The following GXYLT1 variants were observed in gnomAD, a reference collection of about 807,000 sequenced individuals.
The protein encoded by GXYLT1 is glucoside xylosyltransferase 1.
A neutral mutation model predicts 54.0 loss-of-function variants in GXYLT1; 29 were observed. The ratio of observed to expected loss-of-function variants is 0.54; its 90% CI spans 0.40 to 0.73. The LOEUF is 0.73. GXYLT1 is among the 30% of genes least tolerant of loss of function. The pLI is 0.00. For synonymous variants in GXYLT1, 176 were observed against 204.1 expected (o/e 0.86, Z 1.17); for missense variants, 490 against 553.4 (o/e 0.89, Z 1.15).
chr12:42,133,210 G>A (rs971629923), intron 1 of GXYLT1, among the ~76,000 whole-genome samples: 5 of 151,948 alleles, frequency 3.3e-5, no homozygotes, highest in Non-Finnish European at 4.4e-5. Flanking sequence ...CCCAGGAGGC[G>A]GAGGTTTCAG....
At chr12:42,124,853 CTG>C (rs2065551520) in intron 2 of GXYLT1, among the ~76,000 whole-genome samples, 1 of 152,084 alleles carries the variant, frequency 6.6e-6, no homozygotes, top group East Asian at 1.9e-4. Context: ...TAGAAAAAAA[CTG>C]AGATTGCTAA....
chr12:42,092,081 T>G (rs985278109), intron 7 of GXYLT1, among the ~76,000 whole-genome samples: 4 of 152,120 alleles, frequency 2.6e-5, no homozygotes, highest in Admixed American at 2.6e-4. Flanking sequence ...AAGGCAAAAC[T>G]GAGACACTCT....
At chr12:42,109,734 T>G in intron 3 of GXYLT1, 43 bp from the exon 4 acceptor site, 1 of 1,288,314 alleles carries the variant, frequency 7.8e-7, no homozygotes, top group Non-Finnish European at 1.1e-6. Context: ...CACTCTGAAT[T>G]TTCTCTGTAA....
intron 4 of GXYLT1, 39 bp downstream of exon 4, chr12:42,109,522 TTAAAA>T: frequency 2.3e-6 from 3 of 1,301,476 alleles, no homozygotes; most frequent in South Asian, 3.9e-5. Context: ...AGGTTCAAAT[TTAAAA>T]AAAAAAAAAA....
chr12:42,116,491 AG>A (rs1342889796), intron 3 of GXYLT1, among the ~76,000 whole-genome samples: 1 of 152,248 alleles, frequency 6.6e-6, no homozygotes, highest in Non-Finnish European at 1.5e-5. Context: ...ACTTCTCAAA[AG>A]AAGACATTTA....
chr12:42,115,608 C>T (rs1196747740), intron 3 of GXYLT1, among the ~76,000 whole-genome samples: 1 of 152,000 alleles, frequency 6.6e-6, no homozygotes, highest in African/African-American at 2.4e-5. Context: ...CAACTACAAA[C>T]CACTGCTCAA....
At chr12:42,109,540 A>G in intron 4 of GXYLT1, 26 bp downstream of exon 4, 1 of 1,444,516 alleles carries the variant, frequency 6.9e-7, no homozygotes, top group Non-Finnish European at 9.1e-7. Context: ...AAAAAAAAAA[A>G]AAAGACACTA....
At chr12:42,133,569 C>T (rs1182344895) in intron 1 of GXYLT1, among the ~76,000 whole-genome samples, 1 of 152,174 alleles carries the variant, frequency 6.6e-6, no homozygotes, top group African/African-American at 2.4e-5. Flanking sequence ...TGTAAAAGAG[C>T]CACAATGCCA....
chr12:42,124,335 A>G (rs2065548257), intron 2 of GXYLT1, among the ~76,000 whole-genome samples: 1 of 152,082 alleles, frequency 6.6e-6, no homozygotes, highest in Non-Finnish European at 1.5e-5. Flanking sequence ...AATATTTCTG[A>G]TATTTTGATA....
At chr12:42,134,566 T>C (rs1157614545) in intron 1 of GXYLT1, among the ~76,000 whole-genome samples, 1 of 152,164 alleles carries the variant, frequency 6.6e-6, no homozygotes, top group Non-Finnish European at 1.5e-5. Context: ...CACTCAGCCC[T>C]CCAATCACAT....
chr12:42,097,720 T>A, intron 6 of GXYLT1, 106 bp from the exon 7 acceptor site: 1 of 1,147,180 alleles, frequency 8.7e-7, no homozygotes. Context: ...AAGTAAGAAT[T>A]AATGAAAAAT....
Position 42,087,951 on chromosome 12 carries a change from G to A in GXYLT1, c.1162-4C>T, listed in dbSNP as rs1410137734. 7 of 1,464,616 alleles carry A rather than the reference G, an allele frequency of 4.8e-6. No individual in the cohort carries two copies. Among genetic ancestry groups the A allele is most frequent in the Non-Finnish European group, 6.4e-6 (7 of 1,088,790 alleles). The allele number at this position is 1,464,616 out of a possible 1,614,324, so 90.7% of individuals were successfully genotyped here. Reference sequence around the variant, plus strand: ...TGTTGTCATCTTCAAAAGAACACTAGAGAAAGAAAATTTTAAAAAATAAAA... The same window carrying A: ...TGTTGTCATCTTCAAAAGAACACTAAAGAAAGAAAATTTTAAAAAATAAAA... On this transcript the variant is annotated splice_polypyrimidine_tract_variant and splice_region_variant and intron_variant, in intron 7 of 7. Coordinates refer to ENST00000398675, the MANE Select transcript of GXYLT1 (RefSeq NM_173601.2).
chr12:42,144,840 A>T lies in GXYLT1; in HGVS notation c.-194T>A. 1 of 363,802 alleles carries T rather than the reference A, an allele frequency of 2.7e-6. No homozygotes were observed. The allele number at this position is 363,802 out of a possible 1,614,324, so 22.5% of individuals were successfully genotyped here. A position where few individuals can be genotyped will look rare whatever the true frequency, so the allele number is the denominator to read the frequency against. On this transcript the variant is annotated 5_prime_UTR_variant, in exon 1 of 8. Coordinates refer to ENST00000398675, the MANE Select transcript of GXYLT1 (RefSeq NM_173601.2). ...AGCGCAGTCGCGGCTCCGGAGCCGA[A>T]GGACTACCCGCCCGGAAGCCTGGAC...
chr12:42,102,183 T>C (rs1261352272), intron 5 of GXYLT1, among the ~76,000 whole-genome samples: 1 of 152,200 alleles, frequency 6.6e-6, no homozygotes, highest in Non-Finnish European at 1.5e-5. Flanking sequence ...TATCAGCCTG[T>C]CCTATACATA....
Position 42,144,691 on chromosome 12 carries a change from C to CGCG in GXYLT1, c.-46_-45insCGC. On this transcript the variant is annotated 5_prime_UTR_variant, in exon 1 of 8. Transcript: ENST00000398675. ...CTTCGCCGCCGCCGCCGCGCCCGCC[C>CGCG]CGACGAACTGGAGCGGAGGGAGGGG... 9.0e-7 allele frequency: 1 copy of CGCG among 1,107,898 alleles called. No individual in the cohort carries two copies. The allele number at this position is 1,107,898 out of a possible 1,614,324, so 68.6% of individuals were successfully genotyped here.
intron 2 of GXYLT1, among the ~76,000 whole-genome samples, chr12:42,122,874 T>C (rs2065539254): frequency 6.6e-6 from 1 of 152,170 alleles, no homozygotes; most frequent in South Asian, 2.1e-4. Context: ...ACCTTAACCA[T>C]GTGATCAAAC....
intron 1 of GXYLT1, among the ~76,000 whole-genome samples, chr12:42,133,390 T>C (rs151021272): frequency 2.0e-5 from 3 of 152,284 alleles, no homozygotes; most frequent in Admixed American, 6.5e-5. Context: ...ACTGTACCAA[T>C]GTCCAGGCCC....
chr12:42,138,249 A>G (rs551433471), intron 1 of GXYLT1, among the ~76,000 whole-genome samples: 1 of 152,270 alleles, frequency 6.6e-6, no homozygotes, highest in East Asian at 1.9e-4. Flanking sequence ...TCTGGGTGAC[A>G]GAGACTGCGT....
At chr12:42,110,950 A>C (rs564738681) in intron 3 of GXYLT1, among the ~76,000 whole-genome samples, 407 of 152,376 alleles carry the variant, frequency 2.7e-3, no homozygotes, top group Non-Finnish European at 4.4e-3. Context: ...ACTAAGTTCA[A>C]AAATATAGTA....
Sources: allele counts gnomAD v4.1 joint callset (sites outside exome capture counted in the v4.1 genomes callset), GRCh38; gene constraint gnomAD v4.1.1; transcripts MANE v1.5; gene names NCBI Gene and HGNC (gene_info 2026-07-23, HGNC 2026-07-21).